Variants in SYNE2 observed in about 807,000 individuals in gnomAD.
SYNE2 encodes spectrin repeat containing nuclear envelope protein 2.
Under a neutral mutation model 856.3 loss-of-function variants are expected in SYNE2, and 431 were observed. That is an observed-to-expected ratio of 0.50 (90% CI 0.47 to 0.55). SYNE2 has a LOEUF of 0.55. SYNE2 is among the 20% of genes least tolerant of loss of function. SYNE2 has a pLI of 0.00. For missense variants in SYNE2, 8,129 were observed against 8,023.2 expected, an observed-to-expected ratio of 1.01 and a Z score of -0.50; for synonymous variants, 2,923 against 2,872.3, an observed-to-expected ratio of 1.02 and a Z score of -0.56.
chr14:64,147,063 G>A (rs533168974), intron 84 of SYNE2, among the ~76,000 whole-genome samples: 1 of 152,300 alleles, frequency 6.6e-6, no homozygotes, highest in South Asian at 2.1e-4. Flanking sequence ...TTGGAGTCAT[G>A]TGCTTCCTTA....
intron 79 of SYNE2, among the ~76,000 whole-genome samples, chr14:64,138,748 A>G (rs2098115809): frequency 6.6e-6 from 1 of 152,222 alleles, no homozygotes; most frequent in Admixed American, 6.5e-5. Context: ...GGAGGAGAAC[A>G]TAGAACATTT....
intron 1 of SYNE2, among the ~76,000 whole-genome samples, chr14:63,827,641 A>AC (rs1889495358): frequency 9.6e-6 from 1 of 103,978 alleles, no homozygotes; most frequent in African/African-American, 3.1e-5. Flanking sequence ...AAAAAAAAAA[A>AC]AAAAAAAAAA....
At chr14:64,219,831 T>C (rs1457495028) in intron 110 of SYNE2, among the ~76,000 whole-genome samples, 1 of 152,194 alleles carries the variant, frequency 6.6e-6, no homozygotes, top group Non-Finnish European at 1.5e-5. Context: ...GCTCACCTAC[T>C]GATGAATCCC....
Position 64,174,032 on chromosome 14 carries a change from GA to G in SYNE2, c.17236-905del. ...GCTGTAACACCGCCACTAAAATATA[GA>G]AAAAAATAAAAATAAACAAGACCTT... On this transcript the variant is annotated intron_variant, in intron 94 of 115. Coordinates refer to ENST00000555002, the MANE Select transcript of SYNE2 (RefSeq NM_182914.3). The G allele has an allele frequency of 6.9e-6, 4 of 580,418 alleles. 1 individual carries two copies. Among genetic ancestry groups the G allele is most frequent in the Non-Finnish European group, 1.2e-5 (4 of 329,980 alleles). The allele number at this position is 580,418 out of a possible 1,614,324, so 36.0% of individuals were successfully genotyped here. A position where few individuals can be genotyped will look rare whatever the true frequency, so the allele number is the denominator to read the frequency against.
chr14:63,938,051 C>T (rs2095854386), intron 2 of SYNE2, among the ~76,000 whole-genome samples: 1 of 152,026 alleles, frequency 6.6e-6, no homozygotes, highest in South Asian at 2.1e-4. Context: ...GGAGTATGAC[C>T]ACGACAGCAA....
chr14:63,842,589 T>C (rs1890105847), intron 1 of SYNE2, among the ~76,000 whole-genome samples: 1 of 151,726 alleles, frequency 6.6e-6, no homozygotes. Flanking sequence ...GCCTTCTGAG[T>C]AGCTGGGATT....
At chr14:63,847,471 G>T (rs1376752973) in intron 1 of SYNE2, among the ~76,000 whole-genome samples, 1 of 151,828 alleles carries the variant, frequency 6.6e-6, no homozygotes, top group Non-Finnish European at 1.5e-5. Context: ...AAAATAAAAG[G>T]AAATAAAATA....
At chr14:64,042,225 A>G (rs1435761100) in intron 45 of SYNE2, among the ~76,000 whole-genome samples, 2 of 152,250 alleles carry the variant, frequency 1.3e-5, no homozygotes, top group Non-Finnish European at 2.9e-5. Context: ...AAGTTATGAC[A>G]TGATACATCC....
chr14:63,818,701 C>CT (rs142248981), intron 1 of SYNE2, among the ~76,000 whole-genome samples: 54,545 of 133,748 alleles, frequency 0.41, 12,668 homozygotes, highest in South Asian at 0.55. Flanking sequence ...TTTTTCTTTT[C>CT]TTTTTTTTTT....
intron 48 of SYNE2, 85 bp downstream of exon 48, chr14:64,053,742 G>A (rs374032046): frequency 1.6e-5 from 23 of 1,401,590 alleles, no homozygotes; most frequent in African/African-American, 4.3e-5. Flanking sequence ...CAAGGCTGGC[G>A]GATCACTTGA....
At chr14:63,883,198 A>G (rs938712507) in intron 1 of SYNE2, among the ~76,000 whole-genome samples, 3 of 152,058 alleles carry the variant, frequency 2.0e-5, no homozygotes, top group East Asian at 3.9e-4. Flanking sequence ...AGCTGGGACT[A>G]CAGGCACATG....
At chr14:63,917,361 A>G (rs1181249603) in intron 2 of SYNE2, among the ~76,000 whole-genome samples, 1 of 152,232 alleles carries the variant, frequency 6.6e-6, no homozygotes, top group Non-Finnish European at 1.5e-5. Flanking sequence ...GTGTTTTACT[A>G]TAACAATACA....
intron 83 of SYNE2, among the ~76,000 whole-genome samples, chr14:64,145,055 T>C (rs1049557308): frequency 2.0e-5 from 3 of 149,912 alleles, no homozygotes; most frequent in African/African-American, 4.9e-5. Flanking sequence ...GCCTCCCAAA[T>C]AGCTGATATT....
chr14:64,134,296 T>C (rs775125809), intron 78 of SYNE2, 96 bp downstream of exon 78: 2 of 1,314,768 alleles, frequency 1.5e-6, no homozygotes, highest in Non-Finnish European at 2.2e-6. Flanking sequence ...AAGGTTTGAA[T>C]TGAAACAAAA....
intron 2 of SYNE2, among the ~76,000 whole-genome samples, chr14:63,932,750 A>G (rs1174180764): frequency 2.6e-5 from 4 of 152,222 alleles, no homozygotes; most frequent in Non-Finnish European, 5.9e-5. Context: ...GGTTATGTCC[A>G]ATTATAATAA....
At chr14:63,798,639 C>T (rs1200580599) in intron 1 of SYNE2, among the ~76,000 whole-genome samples, 1 of 152,112 alleles carries the variant, frequency 6.6e-6, no homozygotes, top group Non-Finnish European at 1.5e-5. Flanking sequence ...AGTGATCCAC[C>T]TGCCTTGGTC....
intron 100 of SYNE2, 91 bp downstream of exon 100, chr14:64,203,054 G>T: frequency 1.3e-6 from 2 of 1,486,158 alleles, no homozygotes; most frequent in Non-Finnish European, 9.2e-7. Flanking sequence ...GTGTTTTCAC[G>T]TGCTCACATT....
intron 1 of SYNE2, among the ~76,000 whole-genome samples, chr14:63,897,998 A>G (rs1009323429): frequency 6.6e-6 from 1 of 152,172 alleles, no homozygotes; most frequent in Non-Finnish European, 1.5e-5. Context: ...TGAGATCCCA[A>G]ATTGGAACTT....
intron 11 of SYNE2, among the ~76,000 whole-genome samples, chr14:63,972,221 A>G (rs1595956129): frequency 6.6e-6 from 1 of 152,220 alleles, no homozygotes; most frequent in South Asian, 2.1e-4. Flanking sequence ...TGTCCGTGAC[A>G]GGTCCTCACA....
Sources: gnomAD v4.1 joint callset for allele counts (sites outside exome capture counted in the v4.1 genomes callset) on GRCh38, gnomAD v4.1.1 for gene constraint, MANE v1.5 for transcripts, NCBI Gene and HGNC (gene_info 2026-07-23, HGNC 2026-07-21) for gene names.